ARHGAP24: variants seen among roughly 807,000 people sequenced by gnomAD.
ARHGAP24 encodes Rho GTPase activating protein 24.
Under a neutral mutation model 76.4 loss-of-function variants are expected in ARHGAP24, and 50 were observed. The observed-to-expected ratio is 0.65, with a 90% CI of 0.52 to 0.83. ARHGAP24 has a LOEUF of 0.83. Among genes scored for constraint, ARHGAP24 ranks in the 40% least tolerant of loss-of-function variants. The pLI is 0.00. For missense variants in ARHGAP24, 930 were observed against 914.2 expected, an observed-to-expected ratio of 1.02 and a Z score of -0.22; for synonymous variants, 345 against 323.3, an observed-to-expected ratio of 1.07 and a Z score of -0.72.
intron 2 of ARHGAP24, among the ~76,000 whole-genome samples, chr4:85,592,129 T>G (rs995261118): frequency 6.6e-6 from 1 of 152,182 alleles, no homozygotes; most frequent in East Asian, 1.9e-4. Context: ...CCTTCCCCAC[T>G]GGCCTGACAA....
intron 2 of ARHGAP24, among the ~76,000 whole-genome samples, chr4:85,669,887 C>G (rs1722766982): frequency 1.3e-5 from 2 of 151,656 alleles, no homozygotes; most frequent in Admixed American, 6.6e-5. Flanking sequence ...ATAAACCCAG[C>G]ATATTGGTGA....
At chr4:85,911,079 A>G (rs1186577746) in intron 3 of ARHGAP24, among the ~76,000 whole-genome samples, 1 of 152,166 alleles carries the variant, frequency 6.6e-6, no homozygotes, top group Non-Finnish European at 1.5e-5. Context: ...CCTCAAGAGT[A>G]CAGGAATGCC....
At chr4:85,492,946 T>A (rs1723416668) in intron 1 of ARHGAP24, among the ~76,000 whole-genome samples, 1 of 152,250 alleles carries the variant, frequency 6.6e-6, no homozygotes. Flanking sequence ...TGTCTCTTAG[T>A]TTCCTCCAAT....
chr4:85,490,778 T>C (rs890362436), intron 1 of ARHGAP24, among the ~76,000 whole-genome samples: 1 of 152,198 alleles, frequency 6.6e-6, no homozygotes, highest in African/African-American at 2.4e-5. Flanking sequence ...TAGTATTTGA[T>C]GGAATCAAAA....
At chr4:85,850,835 C>G (rs554834332) in intron 3 of ARHGAP24, among the ~76,000 whole-genome samples, 1 of 152,212 alleles carries the variant, frequency 6.6e-6, no homozygotes, top group Admixed American at 6.5e-5. Context: ...GATTTCTGTT[C>G]TTTTACATTT....
intron 1 of ARHGAP24, among the ~76,000 whole-genome samples, chr4:85,486,582 C>T (rs1287191179): frequency 6.6e-6 from 1 of 152,160 alleles, no homozygotes; most frequent in East Asian, 1.9e-4. Context: ...TGAGAGAGAA[C>T]AGCCTCCAGC....
At chr4:85,909,575 C>G (rs961595744) in intron 3 of ARHGAP24, among the ~76,000 whole-genome samples, 5 of 152,070 alleles carry the variant, frequency 3.3e-5, no homozygotes, top group Non-Finnish European at 7.4e-5. Context: ...ACAAGATGCC[C>G]CCAAACAGCG....
chr4:85,707,338 CT>C (rs1201139540), intron 2 of ARHGAP24, among the ~76,000 whole-genome samples: 2 of 151,928 alleles, frequency 1.3e-5, no homozygotes, highest in Non-Finnish European at 1.5e-5. Flanking sequence ...CCTGTTTGTG[CT>C]TTTTTTTCCC....
chr4:85,950,822 C>T (rs1737572590), intron 5 of ARHGAP24, among the ~76,000 whole-genome samples: 1 of 151,974 alleles, frequency 6.6e-6, no homozygotes, highest in Admixed American at 6.6e-5. Flanking sequence ...AGGTGCATGC[C>T]ACCATACCTG....
chr4:85,570,782 G>A (rs1727109499), intron 2 of ARHGAP24, 61 bp downstream of exon 2: 1 of 1,584,168 alleles, frequency 6.3e-7, no homozygotes, highest in African/African-American at 1.3e-5. Context: ...AGAGGGATTT[G>A]CTAGAAACCG....
chr4:85,704,985 A>G (rs1724256421), intron 2 of ARHGAP24, among the ~76,000 whole-genome samples: 1 of 152,026 alleles, frequency 6.6e-6, no homozygotes, highest in South Asian at 2.1e-4. Flanking sequence ...AAAAGATGAG[A>G]GTTTCCTTTA....
At chr4:85,791,581 A>G (rs1728129095) in intron 3 of ARHGAP24, among the ~76,000 whole-genome samples, 1 of 152,170 alleles carries the variant, frequency 6.6e-6, no homozygotes, top group Non-Finnish European at 1.5e-5. Flanking sequence ...GAATGAGCAG[A>G]AGTGATGTGT....
At chr4:85,666,966 G>A (rs1722646545) in intron 2 of ARHGAP24, among the ~76,000 whole-genome samples, 1 of 152,226 alleles carries the variant, frequency 6.6e-6, no homozygotes, top group Admixed American at 6.5e-5. Flanking sequence ...CACTTGAGGA[G>A]GCAGTCTGCC....
chr4:85,827,837 G>A lies in ARHGAP24; in HGVS notation c.269-95811G>A, dbSNP rs1436357764. 3.7e-6 allele frequency: 4 copies of A among 1,093,894 alleles called. No individual in the cohort carries two copies. The Admixed American group carries it at 7.1e-5, about 19-fold the overall frequency. 67.8% of individuals were successfully genotyped at this position (1,093,894 alleles called of 1,614,324 possible). ...GGGTGATGGAGTCATGGGAGAAACT[G>A]CAGTGAGCAAACACAGTAGGACCTG... On this transcript the variant is annotated intron_variant, in intron 3 of 9. Coordinates refer to ENST00000395184, the MANE Select transcript of ARHGAP24 (RefSeq NM_001025616.3).
chr4:85,958,316 G>A (rs1214344479), intron 5 of ARHGAP24, among the ~76,000 whole-genome samples: 2 of 152,200 alleles, frequency 1.3e-5, no homozygotes, highest in Non-Finnish European at 2.9e-5. Context: ...AAGTGAAATT[G>A]CACAGGCCCT....
intron 7 of ARHGAP24, among the ~76,000 whole-genome samples, chr4:85,976,580 G>A (rs960118537): frequency 2.0e-5 from 3 of 151,998 alleles, no homozygotes; most frequent in Non-Finnish European, 4.4e-5. Context: ...AGTACAATTA[G>A]CAAGCCATGA....
chr4:85,884,021 C>G (rs1317627078), intron 3 of ARHGAP24, among the ~76,000 whole-genome samples: 1 of 152,150 alleles, frequency 6.6e-6, no homozygotes, highest in African/African-American at 2.4e-5. Flanking sequence ...TGTGAAAGCT[C>G]TCTATATAGA....
At chr4:85,553,496 C>T (rs567577713) in intron 1 of ARHGAP24, among the ~76,000 whole-genome samples, 11 of 151,974 alleles carry the variant, frequency 7.2e-5, no homozygotes, top group South Asian at 2.1e-4. Flanking sequence ...AGACACAGAG[C>T]GCTGATTGGT....
intron 8 of ARHGAP24, among the ~76,000 whole-genome samples, chr4:85,981,297 G>T (rs568686601): frequency 6.6e-6 from 1 of 152,178 alleles, no homozygotes; most frequent in African/African-American, 2.4e-5. Context: ...ACAGCTGTCA[G>T]AGTTTGTTGC....
Sources: gnomAD v4.1 joint callset for allele counts (sites outside exome capture counted in the v4.1 genomes callset) on GRCh38, gnomAD v4.1.1 for gene constraint, MANE v1.5 for transcripts, NCBI Gene and HGNC (gene_info 2026-07-23, HGNC 2026-07-21) for gene names.